RAB33A: variants seen among roughly 807,000 people sequenced by gnomAD.
RAB33A encodes the protein ras-related protein Rab-33A.
A neutral mutation model predicts 12.0 loss-of-function variants in RAB33A; 6 were observed. That is an observed-to-expected ratio of 0.50 (90% CI 0.27 to 0.99). RAB33A has a LOEUF of 0.99. Among genes scored for constraint, RAB33A ranks in the 50% least tolerant of loss-of-function variants. RAB33A has a pLI of 0.11. For missense variants in RAB33A, 109 were observed against 192.0 expected (o/e 0.57, Z 2.55); for synonymous variants, 70 against 82.4 (o/e 0.85, Z 0.81).
chrX:130,149,568 C>T, the RAB33A span: 2 of 1,179,167 alleles, frequency 1.7e-6, no homozygotes, highest in East Asian at 5.9e-5. Context: ...GTCTTGTAGG[C>T]CTGCGGATCC....
chrX:130,168,180 A>C (rs927103403), upstream of RAB33A, among the ~76,000 whole-genome samples: 2 of 110,099 alleles, frequency 1.8e-5, no homozygotes, highest in Non-Finnish European at 3.8e-5. Context: ...CTATTTCAAA[A>C]AAGAAAAAGA....
chrX:130,119,842 G>T, the RAB33A span, among the ~76,000 whole-genome samples: 2 of 111,764 alleles, frequency 1.8e-5, no homozygotes, highest in Non-Finnish European at 3.8e-5. Flanking sequence ...TGAGAGGGGA[G>T]GAGAGGCACC....
intron 1 of RAB33A, among the ~76,000 whole-genome samples, chrX:130,182,210 A>C (rs1272836860): frequency 1.0e-5 from 1 of 98,703 alleles, no homozygotes; most frequent in Non-Finnish European, 2.0e-5. Context: ...TATACACACA[A>C]TATATATAAC....
At chrX:130,125,369 G>C in the RAB33A span, among the ~76,000 whole-genome samples, 1 of 111,605 alleles carries the variant, frequency 9.0e-6, no homozygotes, top group African/African-American at 3.3e-5. Context: ...CGTCATCACT[G>C]GCTTGGGCTG....
At chrX:130,168,873 A>T (rs992956043), upstream of RAB33A, among the ~76,000 whole-genome samples, 2 of 110,854 alleles carry the variant, frequency 1.8e-5, no homozygotes, top group African/African-American at 6.6e-5. Flanking sequence ...TGGGAGGCCG[A>T]GGAGGGTGGA....
At chrX:130,135,970 T>C in the RAB33A span, 1 of 1,179,965 alleles carries the variant, frequency 8.5e-7, no homozygotes, top group Non-Finnish European at 1.2e-6. Flanking sequence ...TGATGAGCTT[T>C]AGCACACCAC....
chrX:130,152,236 A>C, the RAB33A span, among the ~76,000 whole-genome samples: 2 of 112,267 alleles, frequency 1.8e-5, no homozygotes, highest in Non-Finnish European at 3.8e-5. Context: ...GAATATCCCA[A>C]AATAGCCTAA....
At chrX:130,156,392 A>C in the RAB33A span, 5 of 1,183,787 alleles carry the variant, frequency 4.2e-6, no homozygotes, top group African/African-American at 8.8e-5. Context: ...GTTTTAAAGC[A>C]GAATACTATC....
chrX:130,117,010 G>A, the RAB33A span, among the ~76,000 whole-genome samples: 3 of 111,991 alleles, frequency 2.7e-5, no homozygotes, highest in Non-Finnish European at 5.6e-5. Context: ...TCAGGAGATC[G>A]AGACCATCCT....
At chrX:130,140,390 G>A in the RAB33A span, 1 of 548,228 alleles carries the variant, frequency 1.8e-6, no homozygotes, top group South Asian at 2.4e-5. Flanking sequence ...GACACAGCCA[G>A]CTTTTGTACC....
the RAB33A span, among the ~76,000 whole-genome samples, chrX:130,119,080 G>A: frequency 9.0e-6 from 1 of 111,566 alleles, no homozygotes; most frequent in Admixed American, 9.5e-5. Flanking sequence ...GGCCAGGGAC[G>A]GGAGAGGGGC....
At chrX:130,147,369 C>T in the RAB33A span, 2 of 877,201 alleles carry the variant, frequency 2.3e-6, no homozygotes, top group Non-Finnish European at 3.3e-6. Context: ...GTGTGGACCA[C>T]AGTAGACTCT....
At chrX:130,151,247 T>C in the RAB33A span, among the ~76,000 whole-genome samples, 1 of 109,307 alleles carries the variant, frequency 9.1e-6, no homozygotes, top group African/African-American at 3.3e-5. Flanking sequence ...TTCAAGCGAT[T>C]CTGCTGCCTC....
the RAB33A span, among the ~76,000 whole-genome samples, chrX:130,134,472 C>G: frequency 2.7e-5 from 3 of 110,917 alleles, no homozygotes; most frequent in Non-Finnish European, 5.7e-5. Flanking sequence ...ATTCATTCGA[C>G]AAATATTTAT....
chrX:130,182,764 AT>A (rs1485652568), intron 1 of RAB33A, among the ~76,000 whole-genome samples: 2 of 111,509 alleles, frequency 1.8e-5, no homozygotes, highest in African/African-American at 6.5e-5. Flanking sequence ...CAAAAAAAAA[AT>A]AAAAGAAAAG....
chrX:130,118,748 G>A, the RAB33A span, among the ~76,000 whole-genome samples: 2 of 111,024 alleles, frequency 1.8e-5, no homozygotes, highest in Non-Finnish European at 3.8e-5. Flanking sequence ...GGCTCTCTGG[G>A]CCTTGCCTGC....
At chrX:130,158,799 G>T in the RAB33A span, among the ~76,000 whole-genome samples, 3 of 109,399 alleles carry the variant, frequency 2.7e-5, no homozygotes, top group Non-Finnish European at 5.7e-5. Context: ...GGTTGGACAA[G>T]CTTAGTCTAG....
upstream of RAB33A, among the ~76,000 whole-genome samples, chrX:130,169,618 C>G (rs2031583788): frequency 8.9e-6 from 1 of 112,047 alleles, no homozygotes; most frequent in Non-Finnish European, 1.9e-5. Flanking sequence ...CCCAAAGTCT[C>G]ACCCCACAGA....
the RAB33A span, among the ~76,000 whole-genome samples, chrX:130,151,974 G>A: frequency 9.1e-6 from 1 of 110,319 alleles, no homozygotes; most frequent in African/African-American, 3.3e-5. Flanking sequence ...CTGAGGTGGC[G>A]GCTGCAGTGA....
Sources: gnomAD v4.1 joint callset for allele counts (sites outside exome capture counted in the v4.1 genomes callset) on GRCh38, gnomAD v4.1.1 for gene constraint, MANE v1.5 for transcripts, NCBI Gene and HGNC (gene_info 2026-07-23, HGNC 2026-07-21) for gene names.